ERBB4: variants seen among roughly 807,000 people sequenced by gnomAD.
ERBB4 encodes erb-b2 receptor tyrosine kinase 4.
Under a neutral mutation model 158.0 loss-of-function variants are expected in ERBB4, and 42 were observed. The ratio of observed to expected loss-of-function variants is 0.27; its 90% confidence interval spans 0.21 to 0.34. The LOEUF (loss-of-function observed/expected upper bound fraction) is 0.34, where lower values mean the gene tolerates loss of function less well. ERBB4 is among the 10% of genes least tolerant of loss of function. ERBB4 has a pLI of 1.00. For missense variants in ERBB4, 1,333 were observed against 1,624.1 expected (o/e 0.82, Z 3.08); for synonymous variants, 583 against 558.7 (o/e 1.04, Z -0.61).
At chr2:212,007,024 G>A (rs912049923) in intron 2 of ERBB4, among the ~76,000 whole-genome samples, 1 of 151,844 alleles carries the variant, frequency 6.6e-6, no homozygotes, top group Non-Finnish European at 1.5e-5. Context: ...GCTAAAATAT[G>A]GTTATACTAC....
intron 19 of ERBB4, among the ~76,000 whole-genome samples, chr2:211,594,403 C>A (rs898094821): frequency 6.6e-6 from 1 of 151,804 alleles, no homozygotes; most frequent in Non-Finnish European, 1.5e-5. Flanking sequence ...CGCACCACTG[C>A]ACTCCAGCCT....
intron 3 of ERBB4, among the ~76,000 whole-genome samples, chr2:211,897,213 C>T (rs1239171799): frequency 1.3e-5 from 2 of 151,646 alleles, no homozygotes; most frequent in East Asian, 3.9e-4. Context: ...TACATACACC[C>T]ACGCATGCAA....
intron 2 of ERBB4, among the ~76,000 whole-genome samples, chr2:212,010,305 C>T (rs1316960720): frequency 1.3e-5 from 2 of 152,124 alleles, no homozygotes. Flanking sequence ...ATCTAAGCTT[C>T]TGGTGGTCTA....
chr2:212,526,114 T>C (rs1692433317), intron 1 of ERBB4, among the ~76,000 whole-genome samples: 1 of 152,092 alleles, frequency 6.6e-6, no homozygotes, highest in Non-Finnish European at 1.5e-5. Context: ...TATTTTTATA[T>C]AGCCTATAAA....
At chr2:212,178,134 C>CA (rs1160438311) in intron 1 of ERBB4, among the ~76,000 whole-genome samples, 16 of 151,706 alleles carry the variant, frequency 1.1e-4, no homozygotes, top group African/African-American at 3.6e-4. Flanking sequence ...TAAGAAATAT[C>CA]AAGGGTCTTA....
At chr2:212,432,550 T>C (rs1169947839) in intron 1 of ERBB4, among the ~76,000 whole-genome samples, 2 of 152,146 alleles carry the variant, frequency 1.3e-5, no homozygotes, top group Admixed American at 6.6e-5. Context: ...TCTGTAAATA[T>C]AGCCTTAAAT....
At chr2:211,519,457 G>A (rs1161836137) in intron 20 of ERBB4, among the ~76,000 whole-genome samples, 1 of 152,034 alleles carries the variant, frequency 6.6e-6, no homozygotes, top group Non-Finnish European at 1.5e-5. Flanking sequence ...CCATCTCGAA[G>A]CAGATGGCTA....
Position 212,370,868 on chromosome 2 carries a change from C to T in ERBB4, c.82+167581G>A, listed in dbSNP as rs145599331. 2.2e-4 allele frequency among the ~76,000 whole-genome samples: 34 copies of T among 152,158 alleles called. No individual in the cohort carries two copies. In the East Asian group the frequency reaches 6.6e-3, roughly 29 times the overall value. On this transcript the variant is annotated intron_variant, in intron 1 of 27. Coordinates refer to ENST00000342788, the MANE Select transcript of ERBB4 (RefSeq NM_005235.3). The stretch of plus-strand genomic sequence containing the variant: ...ATTTATCCCACTTCTCAGTCTTTAC[C>T]TCTTTTCAAATACCTAAAATTTTAT...
At chr2:212,410,689 C>T (rs1443771550) in intron 1 of ERBB4, among the ~76,000 whole-genome samples, 1 of 151,902 alleles carries the variant, frequency 6.6e-6, no homozygotes, top group African/African-American at 2.4e-5. Flanking sequence ...CGCTTAAAAA[C>T]AAAAACATGA....
At chr2:212,055,535 G>C (rs1350075338) in intron 2 of ERBB4, among the ~76,000 whole-genome samples, 2 of 152,236 alleles carry the variant, frequency 1.3e-5, no homozygotes, top group Non-Finnish European at 2.9e-5. Context: ...CTCCAGTAGG[G>C]GCAGACTGAC....
chr2:212,085,671 ACT>A (rs1352000650), intron 2 of ERBB4, among the ~76,000 whole-genome samples: 3 of 151,676 alleles, frequency 2.0e-5, no homozygotes, highest in African/African-American at 7.3e-5. Flanking sequence ...GAGAGTTGAG[ACT>A]CTTTTTTAGG....
intron 25 of ERBB4, 32 bp from the exon 26 acceptor site, chr2:211,388,024 TA>T: frequency 6.8e-7 from 1 of 1,478,608 alleles, no homozygotes; most frequent in Non-Finnish European, 9.5e-7. Context: ...ATGATGGATA[TA>T]ATAAGAGGCA....
intron 3 of ERBB4, among the ~76,000 whole-genome samples, chr2:211,859,155 A>G (rs1411380594): frequency 6.6e-6 from 1 of 152,230 alleles, no homozygotes; most frequent in African/African-American, 2.4e-5. Flanking sequence ...TATTACTAAA[A>G]TTAATTCAAT....
intron 19 of ERBB4, among the ~76,000 whole-genome samples, chr2:211,565,482 G>A (rs949734184): frequency 1.3e-5 from 2 of 152,204 alleles, no homozygotes; most frequent in Non-Finnish European, 2.9e-5. Flanking sequence ...AGATTTGAAA[G>A]TGATTGATTT....
At chr2:212,284,765 T>C (rs1225598989) in intron 1 of ERBB4, among the ~76,000 whole-genome samples, 1 of 151,076 alleles carries the variant, frequency 6.6e-6, no homozygotes, top group Admixed American at 6.6e-5. Context: ...GTTATTTTAT[T>C]TTTCCTTTGT....
chr2:211,788,506 A>C (rs1486613433), intron 3 of ERBB4, among the ~76,000 whole-genome samples: 1 of 152,062 alleles, frequency 6.6e-6, no homozygotes, highest in Admixed American at 6.6e-5. Flanking sequence ...TTAGTTTAAT[A>C]TTATGTAGTG....
At chr2:211,879,126 CT>C (rs1476450439) in intron 3 of ERBB4, among the ~76,000 whole-genome samples, 1 of 152,178 alleles carries the variant, frequency 6.6e-6, no homozygotes, top group African/African-American at 2.4e-5. Context: ...TATCTACATT[CT>C]TTTCCCCTAG....
At chr2:212,185,826 C>T (rs1317336116) in intron 1 of ERBB4, among the ~76,000 whole-genome samples, 10 of 152,060 alleles carry the variant, frequency 6.6e-5, no homozygotes, top group Non-Finnish European at 1.3e-4. Context: ...TACAAGCATA[C>T]TTTGGAAAAG....
At chr2:212,131,255 G>C (rs1403005871) in intron 1 of ERBB4, among the ~76,000 whole-genome samples, 2 of 151,734 alleles carry the variant, frequency 1.3e-5, no homozygotes, top group African/African-American at 4.9e-5. Context: ...CTAATGTCCA[G>C]GATTTCCTAT....
Sources: gnomAD v4.1 joint callset for allele counts (sites outside exome capture counted in the v4.1 genomes callset) on GRCh38, gnomAD v4.1.1 for gene constraint, MANE v1.5 for transcripts, NCBI Gene and HGNC (gene_info 2026-07-23, HGNC 2026-07-21) for gene names.